The following CFAP43 variants were observed in gnomAD, a reference collection of about 807,000 sequenced individuals.
The protein encoded by CFAP43 is cilia and flagella associated protein 43.
Under a neutral mutation model 218.9 loss-of-function variants are expected in CFAP43, and 155 were observed. The observed-to-expected ratio is 0.71, with a 90% CI of 0.62 to 0.81. The LOEUF is 0.81. CFAP43 is among the 30% of genes least tolerant of loss of function. The pLI, the probability that CFAP43 is intolerant of heterozygous loss-of-function variation, is 0.00. For missense variants in CFAP43, 1,778 were observed against 1,954.3 expected (o/e 0.91, Z 1.70); for synonymous variants, 645 against 681.3 (o/e 0.95, Z 0.83).
intron 2 of CFAP43, among the ~76,000 whole-genome samples, chr10:104,226,143 C>T (rs1433539733): frequency 1.3e-5 from 2 of 152,238 alleles, no homozygotes; most frequent in Non-Finnish European, 2.9e-5. Flanking sequence ...AAGCGCCTGT[C>T]TCTGCTTCCC....
At chr10:104,159,453 G>A (rs1364510318) in intron 27 of CFAP43, among the ~76,000 whole-genome samples, 5 of 152,058 alleles carry the variant, frequency 3.3e-5, no homozygotes, top group African/African-American at 1.2e-4. Flanking sequence ...AAATCCACAG[G>A]GTGGGAAAAA....
rs146783009 is a variant in CFAP43, at chr10:104,230,924, A to C, written c.66-81T>G. ...TTTAACAAAGCAAAGGGTCATCAAA[A>C]TCTTTGAAACATTTCTATTTTCATG... is the stretch of plus-strand genomic sequence containing the variant. On this transcript the variant is annotated intron_variant, in intron 1 of 37. Transcript: ENST00000357060. The C allele has an allele frequency of 1.3e-5, 19 of 1,422,780 alleles. No homozygotes were observed. The African/African-American group carries it at 2.3e-4, about 17-fold the overall frequency. 88.1% of individuals were successfully genotyped at this position (1,422,780 alleles called of 1,614,324 possible). A position where few individuals can be genotyped will look rare whatever the true frequency, so the allele number is the denominator to read the frequency against.
chr10:104,132,653 T>C (rs1012648137), intron 35 of CFAP43: 38 of 985,322 alleles, frequency 3.9e-5, no homozygotes, highest in Non-Finnish European at 4.6e-5. Context: ...TTTTGTGCCA[T>C]AATATTTCCC....
At chr10:104,132,046 G>T in intron 36 of CFAP43, 70 bp downstream of exon 36, 2 of 1,191,398 alleles carry the variant, frequency 1.7e-6, no homozygotes, top group Non-Finnish European at 2.3e-6. Flanking sequence ...TTCATGATTT[G>T]AAACACTATT....
At chr10:104,130,333 G>A in intron 37 of CFAP43, 28 bp from the exon 38 acceptor site, 5 of 1,588,490 alleles carry the variant, frequency 3.1e-6, no homozygotes, top group Admixed American at 3.7e-5. Flanking sequence ...AAAGGAATTC[G>A]ATTATTTATC....
intron 33 of CFAP43, among the ~76,000 whole-genome samples, chr10:104,141,675 A>G (rs1326273281): frequency 6.6e-6 from 1 of 152,200 alleles, no homozygotes; most frequent in East Asian, 1.9e-4. Flanking sequence ...TTGATTTCTG[A>G]TACTATACTA....
At chr10:104,195,113 G>A (rs144836539) in intron 10 of CFAP43, among the ~76,000 whole-genome samples, 9 of 152,304 alleles carry the variant, frequency 5.9e-5, no homozygotes, top group Non-Finnish European at 1.0e-4. Context: ...TACCATCAGC[G>A]GATGCTGCTA....
At chr10:104,225,380 C>A in intron 3 of CFAP43, 81 bp downstream of exon 3, 1 of 1,110,010 alleles carries the variant, frequency 9.0e-7, no homozygotes, top group East Asian at 2.7e-5. Context: ...TTTTTCATGT[C>A]TATTTCCTTC....
intron 34 of CFAP43, among the ~76,000 whole-genome samples, chr10:104,136,025 A>G (rs537297093): frequency 6.6e-6 from 1 of 152,152 alleles, no homozygotes; most frequent in Admixed American, 6.5e-5. Flanking sequence ...TGAGGCAGGC[A>G]GATCACCTGA....
At chr10:104,132,446 T>C (rs550355473) in intron 35 of CFAP43, among the ~76,000 whole-genome samples, 1 of 152,166 alleles carries the variant, frequency 6.6e-6, no homozygotes, top group East Asian at 1.9e-4. Context: ...ACCTTGTCTC[T>C]ACTAAAAAAT....
At chr10:104,193,771 C>T (rs142171919) in intron 11 of CFAP43, 95 bp downstream of exon 11, 72 of 1,440,930 alleles carry the variant, frequency 5.0e-5, no homozygotes, top group Admixed American at 2.0e-4. Flanking sequence ...AAATGAAACA[C>T]GTAAAACTTA....
chr10:104,165,463 GA>G (rs924636465), intron 23 of CFAP43, among the ~76,000 whole-genome samples: 1 of 152,162 alleles, frequency 6.6e-6, no homozygotes, highest in African/African-American at 2.4e-5. Flanking sequence ...TAAATGAACA[GA>G]AATTTCAGGG....
At chr10:104,132,041 G>T (rs975969116) in intron 36 of CFAP43, 75 bp downstream of exon 36, 47 of 1,156,020 alleles carry the variant, frequency 4.1e-5, no homozygotes, top group Non-Finnish European at 4.7e-5. Context: ...GTAAATTCAT[G>T]ATTTGAAACA....
Position 104,145,487 on chromosome 10 carries a change from T to C in CFAP43, c.3933A>G (p.Lys1311=). 6.3e-7 allele frequency: 1 copy of C among 1,593,826 alleles called. No individual in the cohort carries two copies. Among genetic ancestry groups the C allele is most frequent in the Non-Finnish European group, 8.6e-7 (1 of 1,165,414 alleles). Reference sequence around the variant, plus strand: ...AAGGAGAAACAAACCTTGGTCGGCGTTTAAAAAGTTTGTAGAGTATATCCA... The same window carrying C: ...AAGGAGAAACAAACCTTGGTCGGCGCTTAAAAAGTTTGTAGAGTATATCCA... ...HQVDILYKLF[K]RRPRISKQKT... Residue 1311 remains lysine (K), a synonymous_variant, in exon 31 of 38, where the codon AAA becomes AAG. Transcript: ENST00000357060.
intron 2 of CFAP43, among the ~76,000 whole-genome samples, chr10:104,227,835 CTTTTTTTTTTTTTTT>C (rs776193577): frequency 1.7e-5 from 1 of 58,356 alleles, no homozygotes; most frequent in African/African-American, 8.2e-5. Context: ...ATGTTTTCTA[CTTTTTTTTTTTTTTT>C]TTTTTTTTTT....
chr10:104,200,420 G>A (rs868282133), intron 8 of CFAP43, among the ~76,000 whole-genome samples: 7 of 151,842 alleles, frequency 4.6e-5, no homozygotes, highest in African/African-American at 7.3e-5. Flanking sequence ...TTGTAATCCC[G>A]GCACTTTGGG....
At chr10:104,166,909 T>G (rs1385231472) in intron 22 of CFAP43, among the ~76,000 whole-genome samples, 191 bp from the exon 23 acceptor site, 1 of 152,238 alleles carries the variant, frequency 6.6e-6, no homozygotes, top group Non-Finnish European at 1.5e-5. Flanking sequence ...AACTGATAAA[T>G]GATAGATAAA....
intron 3 of CFAP43, chr10:104,218,645 T>C: frequency 2.4e-6 from 1 of 415,706 alleles, no homozygotes; most frequent in East Asian, 5.6e-5. Flanking sequence ...TACTGTCACT[T>C]GTCCTCACCA....
intron 26 of CFAP43, among the ~76,000 whole-genome samples, chr10:104,161,481 T>C (rs2088869330): frequency 6.6e-6 from 1 of 152,206 alleles, no homozygotes; most frequent in South Asian, 2.1e-4. Context: ...AAATGTTTCC[T>C]GGTATATCTG....
Sources: allele counts gnomAD v4.1 joint callset (sites outside exome capture counted in the v4.1 genomes callset), GRCh38; gene constraint gnomAD v4.1.1; transcripts MANE v1.5; gene names NCBI Gene and HGNC (gene_info 2026-07-23, HGNC 2026-07-21).